Variants in ROBO2 observed in about 807,000 individuals in gnomAD.
ROBO2 encodes the protein roundabout homolog 2.
ROBO2 carries 53 observed loss-of-function variants against 160.8 expected under a neutral mutation model. That is an observed-to-expected ratio of 0.33 (90% CI 0.26 to 0.41). The LOEUF (loss-of-function observed/expected upper bound fraction) is 0.41, where lower values mean the gene tolerates loss of function less well. Ranked by LOEUF, ROBO2 falls within the 10% of genes least tolerant of loss-of-function variation. ROBO2 has a pLI of 1.00. For synonymous variants in ROBO2, 664 were observed against 611.7 expected (o/e 1.09, Z -1.26); for missense variants, 1,577 against 1,722.4 (o/e 0.92, Z 1.49).
chr3:76,309,723 A>G (rs1200307696), intron 2 of ROBO2, among the ~76,000 whole-genome samples: 4 of 152,218 alleles, frequency 2.6e-5, no homozygotes, highest in Non-Finnish European at 5.9e-5. Flanking sequence ...ATTAGTGACC[A>G]TACATATACT....
chr3:77,292,528 T>C (rs1273268639), intron 2 of ROBO2, among the ~76,000 whole-genome samples: 1 of 150,704 alleles, frequency 6.6e-6, no homozygotes, highest in East Asian at 2.0e-4. Context: ...GTTAAATGGG[T>C]AAGCTGAGGC....
At chr3:77,435,190 C>G (rs2079157581) in intron 2 of ROBO2, among the ~76,000 whole-genome samples, 1 of 151,782 alleles carries the variant, frequency 6.6e-6, no homozygotes, top group South Asian at 2.1e-4. Flanking sequence ...TAACATAAGG[C>G]TAATTTTCTC....
intron 2 of ROBO2, among the ~76,000 whole-genome samples, chr3:77,449,609 C>A (rs779038839): frequency 6.6e-6 from 1 of 152,062 alleles, no homozygotes; most frequent in Non-Finnish European, 1.5e-5. Context: ...ATAAAACCAA[C>A]AATTTTATGC....
chr3:77,407,227 T>C (rs2076327492), intron 2 of ROBO2, among the ~76,000 whole-genome samples: 1 of 152,116 alleles, frequency 6.6e-6, no homozygotes. Context: ...TGCAGGGACA[T>C]CTAGAAAATG....
chr3:76,858,051 G>A (rs952266791), intron 2 of ROBO2, among the ~76,000 whole-genome samples: 1 of 151,292 alleles, frequency 6.6e-6, no homozygotes, highest in African/African-American at 2.4e-5. Flanking sequence ...TTTCCTTATG[G>A]CCCCCATTCC....
intron 2 of ROBO2, among the ~76,000 whole-genome samples, chr3:77,364,868 C>G (rs372618722): frequency 1.3e-5 from 2 of 152,074 alleles, no homozygotes; most frequent in African/African-American, 4.8e-5. Flanking sequence ...CATATGCATG[C>G]AGGAGGCAGG....
At chr3:75,958,690 G>A (rs868577910) in intron 2 of ROBO2, among the ~76,000 whole-genome samples, 83 of 151,598 alleles carry the variant, frequency 5.5e-4, no homozygotes, top group African/African-American at 2.0e-3. Context: ...ATTATCAATG[G>A]GAAAATATTG....
intron 2 of ROBO2, among the ~76,000 whole-genome samples, chr3:77,392,547 A>T (rs2074846911): frequency 6.6e-6 from 1 of 152,186 alleles, no homozygotes; most frequent in Non-Finnish European, 1.5e-5. Context: ...ATTTAAAATT[A>T]TATATTGTGG....
At chr3:76,955,348 T>C (rs1365301309) in intron 2 of ROBO2, among the ~76,000 whole-genome samples, 1 of 152,140 alleles carries the variant, frequency 6.6e-6, no homozygotes, top group Non-Finnish European at 1.5e-5. Context: ...CTTGAGCCCC[T>C]CTTTTCAGTT....
intron 2 of ROBO2, among the ~76,000 whole-genome samples, chr3:76,897,422 T>C (rs1205950231): frequency 6.6e-6 from 1 of 152,070 alleles, no homozygotes; most frequent in Non-Finnish European, 1.5e-5. Flanking sequence ...CACAGGAGGA[T>C]CATCTTGAAA....
chr3:76,531,101 T>C (rs1415792635), intron 2 of ROBO2, among the ~76,000 whole-genome samples: 1 of 152,194 alleles, frequency 6.6e-6, no homozygotes, highest in Non-Finnish European at 1.5e-5. Flanking sequence ...GAAAATAAGA[T>C]AGGACATTTA....
chr3:76,086,753 T>A (rs1399217524), intron 2 of ROBO2, among the ~76,000 whole-genome samples: 1 of 152,194 alleles, frequency 6.6e-6, no homozygotes, highest in Non-Finnish European at 1.5e-5. Flanking sequence ...AGAAATTTTT[T>A]ATTTAGTAAC....
intron 1 of ROBO2, among the ~76,000 whole-genome samples, chr3:77,095,211 C>T (rs2070881182): frequency 6.6e-6 from 1 of 151,972 alleles, no homozygotes; most frequent in African/African-American, 2.4e-5. Context: ...AGTAAAATTA[C>T]AAGAAGAGTG....
chr3:77,423,161 A>T (rs995192978), intron 2 of ROBO2, among the ~76,000 whole-genome samples: 4 of 152,140 alleles, frequency 2.6e-5, no homozygotes, highest in African/African-American at 9.7e-5. Context: ...AGGACCCTAC[A>T]CTTTTCACCA....
At chr3:77,407,395 T>C (rs2153517700) in intron 2 of ROBO2, among the ~76,000 whole-genome samples, 1 of 152,318 alleles carries the variant, frequency 6.6e-6, no homozygotes, top group Middle Eastern at 3.4e-3. Context: ...TGGTTCCAAT[T>C]TACTGACACA....
chr3:76,092,959 A>G (rs1271115003), intron 2 of ROBO2, among the ~76,000 whole-genome samples: 1 of 152,204 alleles, frequency 6.6e-6, no homozygotes, highest in Non-Finnish European at 1.5e-5. Context: ...TTTATTTAGC[A>G]TGCCACTTAT....
intron 2 of ROBO2, among the ~76,000 whole-genome samples, chr3:76,120,698 T>C (rs1382136892): frequency 1.3e-5 from 2 of 152,200 alleles, no homozygotes; most frequent in Non-Finnish European, 2.9e-5. Context: ...TCTAAGAATC[T>C]ATTATTCAGT....
chr3:77,132,173 T>C (rs1343619487), intron 2 of ROBO2, among the ~76,000 whole-genome samples: 6 of 152,010 alleles, frequency 3.9e-5, no homozygotes, highest in Non-Finnish European at 7.4e-5. Flanking sequence ...TATTATAGGG[T>C]TGTGATTTTT....
At chr3:76,826,879 G>C (rs1181971052) in intron 2 of ROBO2, among the ~76,000 whole-genome samples, 1 of 152,132 alleles carries the variant, frequency 6.6e-6, no homozygotes, top group East Asian at 1.9e-4. Context: ...AGAAACAGCT[G>C]TCCCTTGTTA....
Sources: allele counts gnomAD v4.1 joint callset (sites outside exome capture counted in the v4.1 genomes callset), GRCh38; gene constraint gnomAD v4.1.1; transcripts MANE v1.5; gene names NCBI Gene and HGNC (gene_info 2026-07-23, HGNC 2026-07-21).